The following MCF2L2 variants were observed in gnomAD, a reference collection of about 807,000 sequenced individuals.
The protein encoded by MCF2L2 is probable guanine nucleotide exchange factor MCF2L2.
In MCF2L2, 102 loss-of-function variants were observed where a neutral mutation model predicts 150.2. That is an observed-to-expected ratio of 0.68 (90% CI 0.58 to 0.80). The LOEUF is 0.80. MCF2L2 is among the 30% of genes least tolerant of loss of function. The pLI is 0.00. For missense variants in MCF2L2, 1,256 were observed against 1,372.8 expected (o/e 0.91, Z 1.34); for synonymous variants, 465 against 491.3 (o/e 0.95, Z 0.71).
chr3:183,388,431 C>G lies in MCF2L2; in HGVS notation c.160+1265G>C, dbSNP rs367593722. 2.5e-3 allele frequency among the ~76,000 whole-genome samples: 384 copies of G among 152,302 alleles called. 1 individual carries two copies. The highest frequency in any genetic ancestry group is 0.017 in the Middle Eastern group (5 of 294). On this transcript the variant is annotated intron_variant, in intron 2 of 29. Transcript: ENST00000328913. ...GCAAGCCCAGACTCACAGTGGGAAG[C>G]CATGAGACTGTGCCTTCAGGAGGCT...
At chr3:183,371,494 G>C (rs1025625233) in intron 3 of MCF2L2, among the ~76,000 whole-genome samples, 2 of 142,434 alleles carry the variant, frequency 1.4e-5, no homozygotes, top group Non-Finnish European at 3.0e-5. Context: ...TTGAGACGGA[G>C]TCTCACTGTG....
chr3:183,371,123 T>G (rs1577100030), intron 3 of MCF2L2, among the ~76,000 whole-genome samples: 1 of 152,228 alleles, frequency 6.6e-6, no homozygotes, highest in Non-Finnish European at 1.5e-5. Context: ...GCACTTTTGC[T>G]CGTTAATGTT....
intron 14 of MCF2L2, among the ~76,000 whole-genome samples, chr3:183,288,481 CTTTTTTTTTTT>C (rs535192977): frequency 7.4e-6 from 1 of 135,218 alleles, no homozygotes; most frequent in Non-Finnish European, 1.6e-5. Context: ...TTGTCATGCT[CTTTTTTTTTTT>C]TTTTTTTGAG....
chr3:183,361,019 A>AC (rs1712135102), intron 3 of MCF2L2, among the ~76,000 whole-genome samples: 2 of 144,122 alleles, frequency 1.4e-5, no homozygotes, highest in African/African-American at 5.3e-5. Flanking sequence ...AAAAGAAAAG[A>AC]AAAGAGAAAA....
intron 10 of MCF2L2, among the ~76,000 whole-genome samples, chr3:183,304,457 C>T (rs1361626720): frequency 3.0e-5 from 4 of 134,970 alleles, no homozygotes; most frequent in Admixed American, 1.6e-4. Context: ...ATTCCCTGGG[C>T]AGTGATTTTT....
intron 16 of MCF2L2, among the ~76,000 whole-genome samples, chr3:183,230,230 C>T (rs528692617): frequency 6.6e-6 from 1 of 152,108 alleles, no homozygotes; most frequent in African/African-American, 2.4e-5. Flanking sequence ...TCTTCCGTTT[C>T]AGACTCCCAA....
chr3:183,321,391 T>C (rs1457410588), intron 6 of MCF2L2, among the ~76,000 whole-genome samples: 5 of 150,162 alleles, frequency 3.3e-5, no homozygotes, highest in East Asian at 3.9e-4. Context: ...TGAGCTGAGA[T>C]TGTGCCACTG....
Position 183,310,761 on chromosome 3 carries a change from G to C in MCF2L2, c.993+154C>G, listed in dbSNP as rs1452054770. On this transcript the variant is annotated intron_variant, in intron 9 of 29. Transcript: ENST00000328913. ...TGACTCCACTGAAAAAGTGAGAAGG[G>C]GGTTGGAGGGGGTGGTCTGTAAAGA... The C allele has an allele frequency of 4.5e-5, 27 of 603,674 alleles. 1 individual carries two copies. Among genetic ancestry groups the C allele is most frequent in the Middle Eastern group, 5.2e-4 (2 of 3,874 alleles). The allele number at this position is 603,674 out of a possible 1,614,324, so 37.4% of individuals were successfully genotyped here.
At chr3:183,329,638 C>T (rs1730188025) in intron 5 of MCF2L2, among the ~76,000 whole-genome samples, 1 of 152,204 alleles carries the variant, frequency 6.6e-6, no homozygotes, top group African/African-American at 2.4e-5. Context: ...CATGGATGAA[C>T]CCCAACTGTT....
chr3:183,418,619 G>A (rs541502275), intron 1 of MCF2L2, among the ~76,000 whole-genome samples: 2 of 152,296 alleles, frequency 1.3e-5, no homozygotes, highest in East Asian at 3.9e-4. Context: ...TAGAGAAACT[G>A]GCAAAAACAA....
chr3:183,209,369 A>C (rs1190009282), intron 22 of MCF2L2, among the ~76,000 whole-genome samples: 1 of 152,232 alleles, frequency 6.6e-6, no homozygotes, highest in Non-Finnish European at 1.5e-5. Flanking sequence ...AAATCCTCCA[A>C]AATCTGGAAC....
intron 12 of MCF2L2, 96 bp downstream of exon 12, chr3:183,296,880 C>T: frequency 6.7e-6 from 9 of 1,341,158 alleles, no homozygotes; most frequent in African/African-American, 1.4e-5. Context: ...TCAGCCTGCT[C>T]AGTACCCTGT....
intron 15 of MCF2L2, among the ~76,000 whole-genome samples, chr3:183,243,879 G>C (rs1159311343): frequency 6.6e-6 from 1 of 152,178 alleles, no homozygotes; most frequent in Non-Finnish European, 1.5e-5. Context: ...CTATCCTTCT[G>C]TAATCCCAGC....
chr3:183,269,248 TA>T (rs1396748371), intron 15 of MCF2L2, among the ~76,000 whole-genome samples: 18 of 149,460 alleles, frequency 1.2e-4, no homozygotes, highest in Non-Finnish European at 2.5e-4. Flanking sequence ...TTTTTTTTTT[TA>T]AGAGTAGGAG....
intron 1 of MCF2L2, among the ~76,000 whole-genome samples, chr3:183,423,118 C>T (rs1390902979): frequency 6.6e-6 from 1 of 152,098 alleles, no homozygotes; most frequent in East Asian, 1.9e-4. Flanking sequence ...CGAAAAATAG[C>T]CCAAATATAG....
At chr3:183,350,250 A>G (rs907655533) in intron 3 of MCF2L2, among the ~76,000 whole-genome samples, 1 of 152,112 alleles carries the variant, frequency 6.6e-6, no homozygotes, top group Non-Finnish European at 1.5e-5. Context: ...ACTTTAAATC[A>G]TCCTCCCATA....
At chr3:183,279,786 T>A (rs1331687778) in intron 14 of MCF2L2, among the ~76,000 whole-genome samples, 1 of 152,232 alleles carries the variant, frequency 6.6e-6, no homozygotes, top group Non-Finnish European at 1.5e-5. Flanking sequence ...ATCCCAGCAC[T>A]TCGGGAGGCC....
rs1211528791 is a variant in MCF2L2, at chr3:183,181,598, A to T, written c.3017-1439T>A. Among the ~76,000 whole-genome samples, 1 of 152,158 alleles carries T rather than the reference A, an allele frequency of 6.6e-6. No homozygotes were observed. The highest frequency in any genetic ancestry group is 2.4e-5 in the African/African-American group (1 of 41,440). ...AGTCATCCAGCCCTGGGGTCCCCTT[A>T]TGCCAGGAGCAAGCAGTGAGAATGG... On this transcript the variant is annotated intron_variant, in intron 27 of 29. Transcript: ENST00000328913. This position sits in a 1 kb window ranked among gnomAD's most constrained non-coding sequence, Gnocchi z 4.3.
chr3:183,387,288 A>T lies in MCF2L2; in HGVS notation c.160+2408T>A, dbSNP rs1157669037. ...TCAAAAAAAAAAAAAAAGCAAAGAA[A>T]AAAAGAAGACAAACTTAAATGACAA... On this transcript the variant is annotated intron_variant, in intron 2 of 29. Transcript: ENST00000328913. Among the ~76,000 whole-genome samples, 3 of 151,998 alleles carry T rather than the reference A, an allele frequency of 2.0e-5. No homozygotes were observed. In the East Asian group the frequency reaches 5.8e-4, roughly 29 times the overall value.
Sources: allele counts gnomAD v4.1 joint callset (sites outside exome capture counted in the v4.1 genomes callset), GRCh38; gene constraint gnomAD v4.1.1; non-coding constraint Gnocchi (gnomAD v3.1); transcripts MANE v1.5; gene names NCBI Gene and HGNC (gene_info 2026-07-23, HGNC 2026-07-21).